Variants in LHX8 observed in about 807,000 individuals in gnomAD.
The protein encoded by LHX8 is LIM/homeobox protein Lhx8.
Under a neutral mutation model 40.3 loss-of-function variants are expected in LHX8, and 12 were observed. The ratio of observed to expected loss-of-function variants is 0.30; its 90% CI spans 0.19 to 0.48. LHX8 has a LOEUF of 0.48. Ranked by LOEUF, LHX8 falls within the 20% of genes least tolerant of loss-of-function variation. LHX8 has a pLI of 0.99. For synonymous variants in LHX8, 179 were observed against 162.0 expected (o/e 1.10, Z -0.80); for missense variants, 344 against 433.7 (o/e 0.79, Z 1.84).
chr1:75,149,324 G>C, intron 7 of LHX8, among the ~76,000 whole-genome samples: 2 of 152,342 alleles, frequency 1.3e-5, no homozygotes, highest in Middle Eastern at 6.8e-3. Context: ...AGAGGCCTGT[G>C]AATGCAGAGT....
At chr1:75,186,448 C>A in the LHX8 span, among the ~76,000 whole-genome samples, 7 of 152,286 alleles carry the variant, frequency 4.6e-5, no homozygotes, top group South Asian at 1.4e-3. Flanking sequence ...GGAAAGGACT[C>A]CCTATTCAGT....
At chr1:75,165,598 TTAAGAAA>T (rs1284095950), downstream of LHX8, among the ~76,000 whole-genome samples, 1 of 152,080 alleles carries the variant, frequency 6.6e-6, no homozygotes, top group Non-Finnish European at 1.5e-5. Context: ...AAAAAAGATG[TTAAGAAA>T]TAAAGAATAG....
intron 6 of LHX8, 79 bp from the exon 7 acceptor site, chr1:75,148,508 C>T: frequency 1.0e-6 from 1 of 958,782 alleles, no homozygotes; most frequent in Non-Finnish European, 1.7e-6. Flanking sequence ...GCATGTCTTA[C>T]CTCTTATGAT....
chr1:75,167,843 G>A, the LHX8 span, among the ~76,000 whole-genome samples: 1 of 152,208 alleles, frequency 6.6e-6, no homozygotes, highest in Non-Finnish European at 1.5e-5. Context: ...GCCCATGGAA[G>A]TTCTCTGCCT....
At chr1:75,192,840 G>T in the LHX8 span, among the ~76,000 whole-genome samples, 1 of 151,790 alleles carries the variant, frequency 6.6e-6, no homozygotes, top group East Asian at 1.9e-4. Context: ...TTACAGATGT[G>T]CACCATCACA....
At chr1:75,183,276 A>G in the LHX8 span, 1 of 152,158 alleles carries the variant, frequency 6.6e-6, no homozygotes, top group African/African-American at 2.4e-5. Flanking sequence ...AATACAGAGA[A>G]CCTCTGCAAG....
chr1:75,191,209 G>T, the LHX8 span, among the ~76,000 whole-genome samples: 2 of 151,844 alleles, frequency 1.3e-5, no homozygotes, highest in East Asian at 3.9e-4. Context: ...CACCCACACA[G>T]CCAGGCCAAG....
At position 75,161,163 on chromosome 1, in the gene LHX8, GTTAA is replaced by G; in HGVS notation, c.*271_*274del. ...AAATAGTTCACTCTAGTGTGTATCT[GTTAA>G]TTTATTTGTCATCAAAAGAGCACTT... On this transcript the variant is annotated 3_prime_UTR_variant, in exon 9 of 9. Coordinates refer to ENST00000356261, the MANE Select transcript of LHX8 (RefSeq NM_001256114.2). The G allele has an allele frequency of 2.5e-6, 1 of 392,170 alleles. No individual in the cohort carries two copies. Among genetic ancestry groups the G allele is most frequent in the Non-Finnish European group, 4.7e-6 (1 of 215,040 alleles). 24.3% of individuals were successfully genotyped at this position (392,170 alleles called of 1,614,324 possible).
intron 2 of LHX8, among the ~76,000 whole-genome samples, 196 bp from the exon 3 acceptor site, chr1:75,136,904 G>A (rs1648158460): frequency 6.6e-6 from 1 of 151,646 alleles, no homozygotes; most frequent in Non-Finnish European, 1.5e-5. Flanking sequence ...TAGGTCAGGG[G>A]TCGGCAGCCC....
chr1:75,174,255 C>G, the LHX8 span, among the ~76,000 whole-genome samples: 1 of 152,110 alleles, frequency 6.6e-6, no homozygotes, highest in Admixed American at 6.5e-5. Context: ...TACCCTGCCC[C>G]CTATCCTGGC....
At chr1:75,150,742 T>A (rs1648585455) in intron 7 of LHX8, among the ~76,000 whole-genome samples, 1 of 150,652 alleles carries the variant, frequency 6.6e-6, no homozygotes, top group Non-Finnish European at 1.5e-5. Context: ...AGTGGTGTGA[T>A]CTCGGCTCAC....
At chr1:75,178,466 G>A in the LHX8 span, among the ~76,000 whole-genome samples, 1 of 152,124 alleles carries the variant, frequency 6.6e-6, no homozygotes, top group Non-Finnish European at 1.5e-5. Context: ...GCTTAAAGGT[G>A]TTTATAGTAT....
At chr1:75,194,661 T>C in the LHX8 span, among the ~76,000 whole-genome samples, 1 of 152,196 alleles carries the variant, frequency 6.6e-6, no homozygotes, top group Non-Finnish European at 1.5e-5. Flanking sequence ...GAACTTAAGC[T>C]TCCCATTTAC....
exon 1 of LHX8, chr1:75,128,572 G>C (rs1428494462): frequency 6.6e-6 from 1 of 152,222 alleles, no homozygotes; most frequent in Non-Finnish European, 1.5e-5. Context: ...TCAGGCATTC[G>C]CGTCGGACGT....
rs553743102 is a variant in LHX8, at chr1:75,141,726, G to C, written c.359+620G>C. ...TGATCTCTGTGTAGTTTAAATTTAA[G>C]GTTTCTTCCAAGGTATAATTCTGTA... is the stretch of plus-strand genomic sequence containing the variant. On this transcript the variant is annotated intron_variant, in intron 4 of 8. Coordinates refer to ENST00000356261, the MANE Select transcript of LHX8 (RefSeq NM_001256114.2). Among the ~76,000 whole-genome samples the C allele has an allele frequency of 7.2e-5, 11 of 152,060 alleles. No homozygotes were observed. In the South Asian group the frequency reaches 1.9e-3, roughly 26 times the overall value.
chr1:75,178,917 C>T, the LHX8 span, among the ~76,000 whole-genome samples: 1 of 152,148 alleles, frequency 6.6e-6, no homozygotes, highest in African/African-American at 2.4e-5. Context: ...TTTCTGCCTT[C>T]ATTTCGTTAT....
the LHX8 span, among the ~76,000 whole-genome samples, chr1:75,176,435 T>C: frequency 4.6e-5 from 7 of 152,338 alleles, no homozygotes; most frequent in South Asian, 4.1e-4. Flanking sequence ...ATGATGAGCA[T>C]TTTTTCATGT....
At chr1:75,196,081 C>A in the LHX8 span, among the ~76,000 whole-genome samples, 5 of 152,132 alleles carry the variant, frequency 3.3e-5, no homozygotes, top group African/African-American at 1.2e-4. Flanking sequence ...TGACAATATA[C>A]TTTTAAATCT....
chr1:75,172,479 A>G, the LHX8 span, among the ~76,000 whole-genome samples: 1 of 152,238 alleles, frequency 6.6e-6, no homozygotes, highest in Admixed American at 6.5e-5. Context: ...CTGAATAAGA[A>G]GCTTATATCT....
Sources: allele counts gnomAD v4.1 joint callset (sites outside exome capture counted in the v4.1 genomes callset), GRCh38; gene constraint gnomAD v4.1.1; transcripts MANE v1.5; gene names NCBI Gene and HGNC (gene_info 2026-07-23, HGNC 2026-07-21).